Variants in ZNF808 observed in about 807,000 individuals in gnomAD.
ZNF808 encodes zinc finger protein 808.
A neutral mutation model predicts 8.7 loss-of-function variants in ZNF808; 5 were observed. The ratio of observed to expected loss-of-function variants is 0.58; its 90% confidence interval spans 0.30 to 1.21. ZNF808 has a LOEUF of 1.21. Ranked by LOEUF, ZNF808 falls within the 50% of genes most tolerant of loss-of-function variation. ZNF808 has a pLI of 0.07. For missense variants in ZNF808, 1,103 were observed against 1,098.4 expected (o/e 1.00, Z -0.06); for synonymous variants, 380 against 366.0 (o/e 1.04, Z -0.44).
At chr19:52,561,210 CTCTA>C (rs1235016829), downstream of ZNF808, among the ~76,000 whole-genome samples, 179 of 29,462 alleles carry the variant, frequency 6.1e-3, no homozygotes, top group East Asian at 7.6e-3. Flanking sequence ...CTCTCTCTCT[CTCTA>C]TATATATATA....
intron 4 of ZNF808, among the ~76,000 whole-genome samples, chr19:52,548,770 A>T (rs1012304444): frequency 2.0e-5 from 3 of 152,084 alleles, no homozygotes; most frequent in Admixed American, 6.6e-5. Flanking sequence ...TTGTATGTGT[A>T]TACCACATTT....
chr19:52,542,135 C>T (rs1312387680), intron 2 of ZNF808, among the ~76,000 whole-genome samples: 3 of 151,692 alleles, frequency 2.0e-5, no homozygotes, highest in Non-Finnish European at 4.4e-5. Flanking sequence ...CTCTTGTGGC[C>T]CAGGCTGGAG....
intron 4 of ZNF808, among the ~76,000 whole-genome samples, chr19:52,550,303 T>G (rs1457286687): frequency 6.6e-6 from 1 of 152,024 alleles, no homozygotes; most frequent in Non-Finnish European, 1.5e-5. Context: ...CAATCTCAGT[T>G]CACCACAACC....
chr19:52,558,017 C>CTTTTTT (rs66789100), downstream of ZNF808, among the ~76,000 whole-genome samples: 54 of 46,360 alleles, frequency 1.2e-3, 3 homozygotes, highest in African/African-American at 3.8e-3. Context: ...CTAGGTGTGG[C>CTTTTTT]TTTTTTTTTT....
rs772917823 is a variant in ZNF808 at position 52,553,972 on chromosome 19, T to C, written c.1056T>C (p.Phe352=). ...PYKCNECGKA[F]NQQSHLSRHQ... is the part of the protein sequence containing the mutation. ...AGTGTAATGAATGTGGCAAGGCTTT[T>C]AATCAACAATCACACCTTTCACGCC... The change falls in exon 5 of 5, where the codon TTT becomes TTC. Residue 352 remains phenylalanine, a synonymous_variant. Transcript: ENST00000359798. 1.2e-6 allele frequency: 2 copies of C among 1,613,962 alleles called. No homozygotes were observed. Among genetic ancestry groups the C allele is most frequent in the South Asian group, 2.2e-5 (2 of 91,074 alleles).
At chr19:52,549,465 A>G (rs149993314) in intron 4 of ZNF808, among the ~76,000 whole-genome samples, 90 of 152,304 alleles carry the variant, frequency 5.9e-4, no homozygotes, top group African/African-American at 2.0e-3. Context: ...TTAAGGATGT[A>G]AAACTGCTTT....
intron 3 of ZNF808, among the ~76,000 whole-genome samples, chr19:52,561,550 T>C (rs1301723864): frequency 8.1e-6 from 1 of 123,530 alleles, no homozygotes; most frequent in Non-Finnish European, 1.8e-5. Context: ...TGCCTCCAGA[T>C]TTTTTTTTTT....
At chr19:52,539,343 C>T (rs1483266961) in intron 2 of ZNF808, among the ~76,000 whole-genome samples, 2 of 151,458 alleles carry the variant, frequency 1.3e-5, no homozygotes, top group Non-Finnish European at 2.9e-5. Context: ...TAGGCACCTG[C>T]AGCCACACCT....
intron 4 of ZNF808, among the ~76,000 whole-genome samples, chr19:52,548,972 T>G (rs1056654656): frequency 6.6e-6 from 1 of 151,788 alleles, no homozygotes; most frequent in African/African-American, 2.4e-5. Flanking sequence ...ACAGTTTTTT[T>G]TTTGTTTCTG....
chr19:52,566,099 A>T (rs374839472), downstream of ZNF808, among the ~76,000 whole-genome samples: 6 of 152,292 alleles, frequency 3.9e-5, no homozygotes, highest in South Asian at 1.2e-3. Context: ...CACCATAGGG[A>T]AATGCTTTAC....
At chr19:52,549,168 C>T (rs992725356) in intron 4 of ZNF808, among the ~76,000 whole-genome samples, 2 of 151,934 alleles carry the variant, frequency 1.3e-5, no homozygotes, top group Non-Finnish European at 2.9e-5. Context: ...TTAGTAGAGA[C>T]AGTGTTTCAC....
chr19:52,529,243 A>G (rs1179360485), intron 1 of ZNF808, among the ~76,000 whole-genome samples: 1 of 151,132 alleles, frequency 6.6e-6, no homozygotes, highest in Non-Finnish European at 1.5e-5. Context: ...ATAACGGGGC[A>G]TAATCGTGTG....
At chr19:52,529,803 C>T (rs2059543824) in intron 1 of ZNF808, among the ~76,000 whole-genome samples, 1 of 152,078 alleles carries the variant, frequency 6.6e-6, no homozygotes, top group African/African-American at 2.4e-5. Context: ...TAACTGTAGC[C>T]TCTACCTCTT....
chr19:52,558,613 G>A (rs922696912), downstream of ZNF808, among the ~76,000 whole-genome samples: 5 of 151,874 alleles, frequency 3.3e-5, no homozygotes, highest in Admixed American at 6.6e-5. Flanking sequence ...CTCGTGATCC[G>A]CCCGCCTCGG....
Position 52,554,424 on chromosome 19 carries a change from G to T in ZNF808, c.1508G>T (p.Arg503Ile). The change falls in exon 5 of 5, where the codon AGA becomes ATA. Residue 503 changes from arginine (R) to isoleucine (I), a missense_variant. Arg to Ile is a moderately conservative substitution (Grantham distance 97). Transcript: ENST00000359798. ...SRRSSLLCHRRLHSGEKPYKC... is the reference protein window; with the variant it reads ...SRRSSLLCHRILHSGEKPYKC... Reference sequence around the variant, plus strand: ...AGGTCATCCCTTCTATGCCATCGTAGACTTCATAGTGGTGAAAAACCTTAC... The same window carrying T: ...AGGTCATCCCTTCTATGCCATCGTATACTTCATAGTGGTGAAAAACCTTAC... 6.2e-7 allele frequency: 1 copy of T among 1,614,104 alleles called. No homozygotes were observed. The highest frequency in any genetic ancestry group is 1.1e-5 in the South Asian group (1 of 91,076).
chr19:52,563,901 C>A, exon 4 of ZNF808: 1 of 274,842 alleles, frequency 3.6e-6, no homozygotes, highest in South Asian at 3.5e-5. Flanking sequence ...GAGGCTGAGG[C>A]AGAAGAATTG....
rs1293724740 is a variant in ZNF808, at chr19:52,553,818, C to T, written c.902C>T (p.Ser301Phe). Residue 301 changes from serine (S) to phenylalanine (F), a missense_variant, in exon 5 of 5, where the codon TCC (serine) becomes TTC (phenylalanine). Transcript: ENST00000359798. Reference sequence around the variant, plus strand: ...GGAAAGTCCTTCAGTTACAAGTCATCCCTTACATGCCATCATAGACTTCAT... The same window carrying T: ...GGAAAGTCCTTCAGTTACAAGTCATTCCTTACATGCCATCATAGACTTCAT... ...ECGKSFSYKSSLTCHHRLHTG... is the reference protein window; with the variant it reads ...ECGKSFSYKSFLTCHHRLHTG... The T allele has an allele frequency of 2.5e-6, 4 of 1,613,964 alleles. No homozygotes were observed. The highest frequency in any genetic ancestry group is 1.6e-4 in the Middle Eastern group (1 of 6,084).
chr19:52,567,483 TTTTTTA>T (rs1555770937), downstream of ZNF808, among the ~76,000 whole-genome samples: 24,413 of 130,336 alleles, frequency 0.19, 2,215 homozygotes, highest in African/African-American at 0.21. Flanking sequence ...TCCAGCTGTA[TTTTTTA>T]TTATTATTAT....
intron 2 of ZNF808, among the ~76,000 whole-genome samples, chr19:52,542,605 G>A (rs2059682330): frequency 6.6e-6 from 1 of 151,696 alleles, no homozygotes; most frequent in Non-Finnish European, 1.5e-5. Context: ...GTTATTTAGA[G>A]AGTTTAGTTT....
Sources: gnomAD v4.1 joint callset for allele counts (sites outside exome capture counted in the v4.1 genomes callset) on GRCh38, gnomAD v4.1.1 for gene constraint, MANE v1.5 for transcripts, NCBI Gene and HGNC (gene_info 2026-07-23, HGNC 2026-07-21) for gene names.